The following CDK6 variants were observed in gnomAD, a reference collection of about 807,000 sequenced individuals.
The protein encoded by CDK6 is cyclin dependent kinase 6.
CDK6 carries 6 observed loss-of-function variants against 37.1 expected under a neutral mutation model. That is an observed-to-expected ratio of 0.16 (90% CI 0.09 to 0.32). The LOEUF is 0.32. Ranked by LOEUF, CDK6 falls within the 10% of genes least tolerant of loss-of-function variation. The pLI is 1.00. For synonymous variants in CDK6, 160 were observed against 161.3 expected (o/e 0.99, Z 0.06); for missense variants, 224 against 418.9 (o/e 0.53, Z 4.06).
intron 3 of CDK6, among the ~76,000 whole-genome samples, chr7:92,754,492 T>A (rs1283790158): frequency 6.6e-6 from 1 of 152,222 alleles, no homozygotes; most frequent in African/African-American, 2.4e-5. Flanking sequence ...TTTTAATGAT[T>A]AGTTCAATTG....
intron 4 of CDK6, among the ~76,000 whole-genome samples, chr7:92,703,631 A>C (rs772382043): frequency 5.3e-5 from 8 of 152,158 alleles, no homozygotes; most frequent in Non-Finnish European, 1.2e-4. Context: ...CAAGCAACTA[A>C]AATTTTAACA....
intron 5 of CDK6, among the ~76,000 whole-genome samples, chr7:92,646,589 C>A (rs1008641123): frequency 2.6e-5 from 4 of 151,692 alleles, no homozygotes; most frequent in Non-Finnish European, 2.9e-5. Flanking sequence ...GTAGAGATAG[C>A]GTTTCACCAT....
chr7:92,675,945 T>C (rs1049008815), intron 4 of CDK6, among the ~76,000 whole-genome samples: 1 of 152,118 alleles, frequency 6.6e-6, no homozygotes, highest in African/African-American at 2.4e-5. Flanking sequence ...TTCTTAATGT[T>C]GTAAATTTTT....
intron 2 of CDK6, among the ~76,000 whole-genome samples, chr7:92,782,125 G>A (rs1037365752): frequency 3.9e-5 from 6 of 152,134 alleles, no homozygotes; most frequent in Admixed American, 3.9e-4. Context: ...CTCAGTTTTA[G>A]AGTTTCCAAT....
rs183212832 is a variant in CDK6 at position 92,769,519 on chromosome 7, T to C, written c.369+5177A>G. ...AAACATTTTTTTTTATCAAACATGT[T>C]TCATGCACAGAATGTCCACAGAATA... On this transcript the variant is annotated intron_variant, in intron 3 of 7. Coordinates refer to ENST00000424848, the MANE Select transcript of CDK6 (RefSeq NM_001145306.2). Among the ~76,000 whole-genome samples the C allele has an allele frequency of 2.1e-3, 314 of 152,290 alleles. 1 individual carries two copies. The highest frequency in any genetic ancestry group is 7.2e-3 in the African/African-American group (301 of 41,562).
Position 92,608,812 on chromosome 7 carries a change from G to T in CDK6, c.*6328C>A, listed in dbSNP as rs920937306. The T allele has an allele frequency of 4.3e-6, 1 of 231,906 alleles. No individual in the cohort carries two copies. Among genetic ancestry groups the T allele is most frequent in the South Asian group, 1.8e-4 (1 of 5,530 alleles). The allele number at this position is 231,906 out of a possible 1,614,324, so 14.4% of individuals were successfully genotyped here. A position where few individuals can be genotyped will look rare whatever the true frequency, so the allele number is the denominator to read the frequency against. ...GGGGCCGCACATAATTTCAGGCACC[G>T]GCAGGTGAGTGGGAGGCGGGGCCCC... On this transcript the variant is annotated 3_prime_UTR_variant, in exon 8 of 8. Coordinates refer to ENST00000424848, the MANE Select transcript of CDK6 (RefSeq NM_001145306.2).
At chr7:92,705,526 TCATG>T (rs1443625596) in intron 4 of CDK6, among the ~76,000 whole-genome samples, 3 of 152,150 alleles carry the variant, frequency 2.0e-5, no homozygotes, top group Non-Finnish European at 1.5e-5. Flanking sequence ...GTGAAAGGTT[TCATG>T]TAAAGGATGA....
chr7:92,614,276 T>G lies in CDK6; in HGVS notation c.*864A>C. The G allele has an allele frequency of 4.3e-6, 1 of 232,928 alleles. No individual in the cohort carries two copies. Among genetic ancestry groups the G allele is most frequent in the East Asian group, 6.1e-5 (1 of 16,484 alleles). The allele number at this position is 232,928 out of a possible 1,614,324, so 14.4% of individuals were successfully genotyped here. Reference sequence around the variant, plus strand: ...GCTTTCTATTCTTTTTTTTAAAATCTATCTGAGGTACACTCCCTAAACCTA... The same window carrying G: ...GCTTTCTATTCTTTTTTTTAAAATCGATCTGAGGTACACTCCCTAAACCTA... On this transcript the variant is annotated 3_prime_UTR_variant, in exon 8 of 8. Coordinates refer to ENST00000424848, the MANE Select transcript of CDK6 (RefSeq NM_001145306.2).
chr7:92,637,195 T>C (rs1312544809), intron 5 of CDK6, among the ~76,000 whole-genome samples: 1 of 152,124 alleles, frequency 6.6e-6, no homozygotes, highest in Non-Finnish European at 1.5e-5. Flanking sequence ...GACCTACGGG[T>C]TAAATAGCAA....
chr7:92,766,437 T>C (rs982215115), intron 3 of CDK6, among the ~76,000 whole-genome samples: 1 of 152,128 alleles, frequency 6.6e-6, no homozygotes, highest in Non-Finnish European at 1.5e-5. Flanking sequence ...AGGCTTGAGT[T>C]TGGCAGAGGA....
At chr7:92,747,077 C>T (rs1282463458) in intron 3 of CDK6, among the ~76,000 whole-genome samples, 1 of 152,150 alleles carries the variant, frequency 6.6e-6, no homozygotes, top group Non-Finnish European at 1.5e-5. Flanking sequence ...CAAGTTATTG[C>T]AGTGCCCTGA....
intron 2 of CDK6, among the ~76,000 whole-genome samples, chr7:92,827,006 T>A (rs1292423260): frequency 2.6e-5 from 4 of 152,302 alleles, no homozygotes; most frequent in African/African-American, 9.6e-5. Flanking sequence ...GTATATCCAA[T>A]GACCATCAGT....
chr7:92,661,840 A>G (rs1796841252), intron 5 of CDK6, among the ~76,000 whole-genome samples: 1 of 152,180 alleles, frequency 6.6e-6, no homozygotes, highest in South Asian at 2.1e-4. Flanking sequence ...ATGTTGTTCA[A>G]GGGTCAACTG....
chr7:92,685,454 C>G (rs1797428438), intron 4 of CDK6, among the ~76,000 whole-genome samples: 1 of 152,166 alleles, frequency 6.6e-6, no homozygotes, highest in South Asian at 2.1e-4. Flanking sequence ...TAACTCAGAA[C>G]TAATTCAAAG....
At chr7:92,769,492 T>C (rs1040088821) in intron 3 of CDK6, among the ~76,000 whole-genome samples, 3 of 152,192 alleles carry the variant, frequency 2.0e-5, no homozygotes, top group Admixed American at 6.5e-5. Context: ...GACAATTGCA[T>C]CAAACATTTT....
At chr7:92,699,213 C>T (rs1325719233) in intron 4 of CDK6, among the ~76,000 whole-genome samples, 2 of 152,278 alleles carry the variant, frequency 1.3e-5, no homozygotes, top group East Asian at 1.9e-4. Flanking sequence ...AAAGCTTTCA[C>T]ATTTTAGGAT....
chr7:92,617,878 G>C (rs1408928702), intron 7 of CDK6, among the ~76,000 whole-genome samples, 194 bp downstream of exon 7: 1 of 152,198 alleles, frequency 6.6e-6, no homozygotes, highest in Non-Finnish European at 1.5e-5. Flanking sequence ...AGACATTCCA[G>C]AATCAAAAGC....
intron 4 of CDK6, among the ~76,000 whole-genome samples, chr7:92,679,446 TCTC>T (rs1797282877): frequency 6.6e-6 from 1 of 152,188 alleles, no homozygotes; most frequent in Admixed American, 6.5e-5. Context: ...GTGGTGATAT[TCTC>T]CTTCTCGGGC....
intron 1 of CDK6, 84 bp downstream of exon 1, chr7:92,836,394 T>A (rs1444656227): frequency 8.1e-6 from 1 of 122,812 alleles, no homozygotes; most frequent in Non-Finnish European, 1.7e-5. Flanking sequence ...CCCACAGTTC[T>A]GCCTCGGACC....
Sources: gnomAD v4.1 joint callset for allele counts (sites outside exome capture counted in the v4.1 genomes callset) on GRCh38, gnomAD v4.1.1 for gene constraint, MANE v1.5 for transcripts, NCBI Gene and HGNC (gene_info 2026-07-23, HGNC 2026-07-21) for gene names.